The following PALD1 variants were observed in gnomAD, a reference collection of about 807,000 sequenced individuals.
PALD1 encodes the protein paladin.
In PALD1, 57 loss-of-function variants were observed where a neutral mutation model predicts 96.0. That is an observed-to-expected ratio of 0.59 (90% confidence interval 0.48 to 0.74). The LOEUF is 0.74. Among genes scored for constraint, PALD1 ranks in the 30% least tolerant of loss-of-function variants. The probability of loss-of-function intolerance (pLI) is 0.00; values close to 1 mark genes in which losing one functional copy is unlikely to be tolerated. For synonymous variants in PALD1, 464 were observed against 473.6 expected, an observed-to-expected ratio of 0.98 and a Z score of 0.26; for missense variants, 1,063 against 1,143.7, an observed-to-expected ratio of 0.93 and a Z score of 1.02.
intron 18 of PALD1, among the ~76,000 whole-genome samples, chr10:70,553,757 G>A (rs979432529): frequency 3.3e-5 from 5 of 152,152 alleles, no homozygotes; most frequent in East Asian, 3.9e-4. Flanking sequence ...CCTCTCAAGC[G>A]GGCGGAGGCA....
chr10:70,480,874 C>T (rs1465106023), intron 1 of PALD1, among the ~76,000 whole-genome samples: 3 of 152,098 alleles, frequency 2.0e-5, no homozygotes, highest in South Asian at 4.1e-4. Flanking sequence ...TGGGCAGAGA[C>T]GTAGAGGAGC....
chr10:70,558,955 G>A (rs1471642155), intron 18 of PALD1, among the ~76,000 whole-genome samples: 1 of 152,102 alleles, frequency 6.6e-6, no homozygotes. Flanking sequence ...GAGCTAAGTT[G>A]CATTTTTCTA....
intron 18 of PALD1, among the ~76,000 whole-genome samples, chr10:70,557,290 G>C (rs1847630205): frequency 6.6e-6 from 1 of 152,198 alleles, no homozygotes. Context: ...AGGTGGGATG[G>C]GGTGTGGGGT....
At chr10:70,478,360 G>C (rs1007666151), upstream of PALD1, among the ~76,000 whole-genome samples, 1 of 152,198 alleles carries the variant, frequency 6.6e-6, no homozygotes, top group Non-Finnish European at 1.5e-5. Flanking sequence ...GCTCGGCCTG[G>C]CTGTAAAGCA....
At position 70,478,880 on chromosome 10, in the gene PALD1, G is replaced by C. The variant is rs2132247912; in HGVS notation, c.-209G>C. 6.6e-6 allele frequency: 1 copy of C among 152,074 alleles called. No individual in the cohort carries two copies. Among genetic ancestry groups the C allele is most frequent in the East Asian group, 1.9e-4 (1 of 5,144 alleles). 9.4% of individuals were successfully genotyped at this position (152,074 alleles called of 1,614,324 possible). ...TCGCGTGGCCTCGCCGGGTCCGCCT[G>C]GCCTGCCCACCTCCGGAGCCACCTC... On this transcript the variant is annotated 5_prime_UTR_variant, in exon 1 of 20. Coordinates refer to ENST00000263563, the MANE Select transcript of PALD1 (RefSeq NM_014431.3).
chr10:70,534,819 T>C lies in PALD1; in HGVS notation c.1203T>C (p.Gly401=), dbSNP rs754585046. ...TGGAAAACCAGAAGAAGTTAGAAGG[T>C]ATCCGACCGGAGAGCCCAGCCCAGG... ...VVLENQKKLE[G]IRPESPAQGS... The change falls in exon 10 of 20, where the codon GGT becomes GGC. Residue 401 remains glycine, a synonymous_variant. Transcript: ENST00000263563. The C allele has an allele frequency of 1.9e-6, 3 of 1,611,464 alleles. No individual in the cohort carries two copies. Among genetic ancestry groups the C allele is most frequent in the Non-Finnish European group, 2.5e-6 (3 of 1,178,680 alleles).
chr10:70,539,785 G>C lies in PALD1; in HGVS notation c.1908+23G>C. On this transcript the variant is annotated intron_variant, in intron 15 of 19. Transcript: ENST00000263563. This position sits in a 1 kb window ranked among gnomAD's most constrained non-coding sequence, Gnocchi z 4.5. ...GAGGTGAGGGTGCTGCTCAGGCTGA[G>C]GCCTCTGGGGAGGGACAGGAGGCCT... The C allele has an allele frequency of 6.3e-7, 1 of 1,591,876 alleles. No homozygotes were observed. Among genetic ancestry groups the C allele is most frequent in the African/African-American group, 1.4e-5 (1 of 73,444 alleles).
At chr10:70,532,808 G>T in intron 6 of PALD1, 27 bp downstream of exon 6, 1 of 1,610,960 alleles carries the variant, frequency 6.2e-7, no homozygotes, top group Non-Finnish European at 8.5e-7. Flanking sequence ...CCCAGCCCTG[G>T]CCATGGGTGC....
chr10:70,533,147 C>G, intron 7 of PALD1, 77 bp downstream of exon 7: 2 of 1,159,646 alleles, frequency 1.7e-6, no homozygotes, highest in Non-Finnish European at 2.5e-6. Flanking sequence ...TGGGCACAGC[C>G]TCTCGCCTTC....
In PALD1 at chr10:70,539,588, G is replaced by T; in HGVS notation, c.1734G>T (p.Glu578Asp). Residue 578 changes from glutamate to aspartate, a missense_variant, in exon 15 of 20, where the codon GAG (glutamate) becomes GAT (aspartate). Physicochemically the swap from Glu to Asp is conservative, Grantham distance 45. Transcript: ENST00000263563. The surrounding 1 kb of genome is among the most constrained non-coding windows in gnomAD (Gnocchi z 4.5). ...PVAPDQLETL[E>D]AQLKAHLSEP... is the part of the protein sequence containing the mutation. ...CTCCTGCCCTTGCCCAGACCCTGGA[G>T]GCCCAGCTGAAGGCCCATCTAAGCG... 6.2e-7 allele frequency: 1 copy of T among 1,608,930 alleles called. No homozygotes were observed. Among genetic ancestry groups the T allele is most frequent in the Non-Finnish European group, 8.5e-7 (1 of 1,177,024 alleles).
intron 1 of PALD1, among the ~76,000 whole-genome samples, chr10:70,487,009 C>T (rs1470130566): frequency 6.6e-6 from 1 of 152,064 alleles, no homozygotes; most frequent in Non-Finnish European, 1.5e-5. Flanking sequence ...CCCAGAGTTG[C>T]CCTTTGGGGA....
chr10:70,531,578 T>C (rs1339678323), intron 5 of PALD1, 124 bp downstream of exon 5: 4 of 909,902 alleles, frequency 4.4e-6, no homozygotes, highest in Non-Finnish European at 6.4e-6. Flanking sequence ...CCTGCTTGGG[T>C]GAGTGGCTGG....
At chr10:70,531,238 T>G in intron 4 of PALD1, 52 bp from the exon 5 acceptor site, 2 of 1,508,710 alleles carry the variant, frequency 1.3e-6, no homozygotes, top group South Asian at 2.3e-5. Flanking sequence ...GTGGTGCAGG[T>G]GTCTGTGCGG....
At chr10:70,478,239 C>T (rs868077593), upstream of PALD1, among the ~76,000 whole-genome samples, 5 of 152,224 alleles carry the variant, frequency 3.3e-5, no homozygotes, top group African/African-American at 4.8e-5. Flanking sequence ...TTTAGGGGCT[C>T]CCCTTCGACA....
chr10:70,526,745 GAGGAC>G lies in PALD1; in HGVS notation c.185+614_185+618del, dbSNP rs1846877246. 2.0e-5 allele frequency among the ~76,000 whole-genome samples: 3 copies of G among 152,298 alleles called. No individual in the cohort carries two copies. In the South Asian group the frequency reaches 6.2e-4, roughly 32 times the overall value. ...GTGGGTGCTGGAGAGCCATGCTGGG[GAGGAC>G]AGGAAGATGGAGGGGATGTTGGATC... On this transcript the variant is annotated intron_variant, in intron 2 of 19. Transcript: ENST00000263563.
chr10:70,545,857 C>CA (rs1847351160), intron 17 of PALD1, among the ~76,000 whole-genome samples: 2 of 152,250 alleles, frequency 1.3e-5, no homozygotes, highest in South Asian at 4.1e-4. Context: ...CTCACCCCTC[C>CA]AGCCCTAGTA....
chr10:70,477,273 A>G (rs1845841243), upstream of PALD1, among the ~76,000 whole-genome samples: 2 of 152,194 alleles, frequency 1.3e-5, no homozygotes. Context: ...CCTGGACATT[A>G]CTTGCCCAGC....
In PALD1 at chr10:70,544,272, A is replaced by AG. The variant is rs1429081337; in HGVS notation, c.2121+2741dup. On this transcript the variant is annotated intron_variant, in intron 17 of 19. Coordinates refer to ENST00000263563, the MANE Select transcript of PALD1 (RefSeq NM_014431.3). ...TCTGGAGGGATCAAGTGTGCAAAGG[A>AG]GGGATTCTGGAAAGGGCAGGAACTA... Among the ~76,000 whole-genome samples the AG allele has an allele frequency of 9.9e-5, 15 of 151,572 alleles. No individual in the cohort carries two copies. The East Asian group carries it at 2.9e-3, about 29-fold the overall frequency.
the PALD1 span, among the ~76,000 whole-genome samples, chr10:70,459,029 C>G: frequency 6.6e-6 from 1 of 152,150 alleles, no homozygotes. Flanking sequence ...AGGGAGAGAG[C>G]GGCTCCCCCA....
Sources: gnomAD v4.1 joint callset for allele counts (sites outside exome capture counted in the v4.1 genomes callset) on GRCh38, gnomAD v4.1.1 for gene constraint, Gnocchi (gnomAD v3.1) non-coding constraint, MANE v1.5 for transcripts, NCBI Gene and HGNC (gene_info 2026-07-23, HGNC 2026-07-21) for gene names.